Variants in GHR observed in about 807,000 individuals in gnomAD.
GHR encodes the protein GH receptor.
A neutral mutation model predicts 67.1 loss-of-function variants in GHR; 35 were observed. The observed-to-expected ratio is 0.52, with a 90% CI of 0.40 to 0.69. The LOEUF is 0.69. GHR is among the 30% of genes least tolerant of loss of function. The pLI, the probability that GHR is intolerant of heterozygous loss-of-function variation, is 0.00. For synonymous variants in GHR, 272 were observed against 269.1 expected (o/e 1.01, Z -0.10); for missense variants, 792 against 764.6 (o/e 1.04, Z -0.42).
At chr5:42,575,283 A>G (rs1282685969) in intron 2 of GHR, among the ~76,000 whole-genome samples, 2 of 152,202 alleles carry the variant, frequency 1.3e-5, no homozygotes, top group East Asian at 3.9e-4. Context: ...TAGGGATTTC[A>G]GAGCAGTGGT....
chr5:42,482,298 G>A (rs1199960219), intron 1 of GHR, among the ~76,000 whole-genome samples: 1 of 152,170 alleles, frequency 6.6e-6, no homozygotes, highest in Admixed American at 6.5e-5. Context: ...CCTGCTGGGG[G>A]GTGCCTCCCA....
At chr5:42,702,175 T>G (rs1011595418) in intron 6 of GHR, among the ~76,000 whole-genome samples, 3 of 152,106 alleles carry the variant, frequency 2.0e-5, no homozygotes, top group Admixed American at 6.6e-5. Context: ...CTGAAAATTT[T>G]AATTCTTTCA....
At chr5:42,492,838 A>T (rs1746171517) in intron 1 of GHR, among the ~76,000 whole-genome samples, 1 of 152,214 alleles carries the variant, frequency 6.6e-6, no homozygotes, top group African/African-American at 2.4e-5. Context: ...ATTCAAGATA[A>T]GACCCAAAGC....
chr5:42,429,593 A>G (rs1042437959), intron 1 of GHR, among the ~76,000 whole-genome samples: 1 of 152,246 alleles, frequency 6.6e-6, no homozygotes, highest in Admixed American at 6.5e-5. Flanking sequence ...TTAATCATCC[A>G]TAGTCAAAGC....
At chr5:42,451,440 T>C (rs1370573641) in intron 1 of GHR, among the ~76,000 whole-genome samples, 8 of 152,084 alleles carry the variant, frequency 5.3e-5, no homozygotes, top group African/African-American at 1.9e-4. Flanking sequence ...TTTTGTCTGA[T>C]ATAAGAATAG....
At chr5:42,488,799 C>T (rs1745989864) in intron 1 of GHR, among the ~76,000 whole-genome samples, 1 of 152,196 alleles carries the variant, frequency 6.6e-6, no homozygotes, top group African/African-American at 2.4e-5. Context: ...TTTATCGCCA[C>T]AGCTAACATA....
At chr5:42,704,329 C>T (rs192116912) in intron 6 of GHR, among the ~76,000 whole-genome samples, 2 of 151,568 alleles carry the variant, frequency 1.3e-5, no homozygotes, top group East Asian at 1.9e-4. Flanking sequence ...GTTTTCGTCT[C>T]GGTTCTGTTA....
At chr5:42,513,144 T>C (rs1001509641) in intron 1 of GHR, among the ~76,000 whole-genome samples, 14 of 152,248 alleles carry the variant, frequency 9.2e-5, no homozygotes, top group African/African-American at 3.4e-4. Flanking sequence ...CTCAGTTGAT[T>C]GAGCAAAATT....
At position 42,482,466 on chromosome 5, in the gene GHR, C is replaced by T. The variant is rs560939141; in HGVS notation, c.-12+58511C>T. On this transcript the variant is annotated intron_variant, in intron 1 of 9. Transcript: ENST00000230882. ...ACTGCTGTCTTTTTGTTTGTCTGTG[C>T]CCTGCCCTCAGAGAGGGAGCCTACA... Among the ~76,000 whole-genome samples the T allele has an allele frequency of 2.0e-5, 3 of 152,306 alleles. No homozygotes were observed. The South Asian group carries it at 6.2e-4, about 32-fold the overall frequency.
At chr5:42,545,070 A>G (rs114103406) in intron 1 of GHR, among the ~76,000 whole-genome samples, 3,116 of 152,206 alleles carry the variant, frequency 0.02, 32 homozygotes, top group Middle Eastern at 0.037. Context: ...CTGTCTCTCA[A>G]TGCATCATGG....
chr5:42,524,781 C>G (rs1747633697), intron 1 of GHR, among the ~76,000 whole-genome samples: 2 of 152,194 alleles, frequency 1.3e-5, no homozygotes, highest in Admixed American at 6.5e-5. Context: ...ACTTGGTGCT[C>G]TATGTCCCAC....
At chr5:42,665,693 A>T (rs1184033099) in intron 3 of GHR, among the ~76,000 whole-genome samples, 3 of 151,964 alleles carry the variant, frequency 2.0e-5, no homozygotes, top group Non-Finnish European at 4.4e-5. Context: ...ACATGTATAC[A>T]CATGTGACTA....
intron 2 of GHR, among the ~76,000 whole-genome samples, chr5:42,604,732 TTTAC>T (rs1752541372): frequency 2.0e-5 from 3 of 151,526 alleles, no homozygotes; most frequent in Admixed American, 2.0e-4. Context: ...TTTTTTTTAG[TTTAC>T]TTACTGTATT....
chr5:42,483,991 G>C (rs1745770942), intron 1 of GHR, among the ~76,000 whole-genome samples: 1 of 152,000 alleles, frequency 6.6e-6, no homozygotes, highest in Non-Finnish European at 1.5e-5. Flanking sequence ...TACTAAGTAG[G>C]TACTGAATAA....
intron 2 of GHR, among the ~76,000 whole-genome samples, chr5:42,567,218 T>C (rs1424831313): frequency 6.6e-6 from 1 of 152,176 alleles, no homozygotes; most frequent in Non-Finnish European, 1.5e-5. Flanking sequence ...TTCACTCCAC[T>C]GGGCAAGATT....
chr5:42,611,195 T>C (rs1463144622), intron 2 of GHR, among the ~76,000 whole-genome samples: 2 of 152,124 alleles, frequency 1.3e-5, no homozygotes, highest in Non-Finnish European at 2.9e-5. Context: ...CCAGGTTTGC[T>C]GAGACATTCC....
chr5:42,647,623 T>C (rs1212915560), intron 3 of GHR: 1 of 430,962 alleles, frequency 2.3e-6, no homozygotes, highest in Non-Finnish European at 4.6e-6. Flanking sequence ...TAGGAAAAAT[T>C]TGATGACTTT....
At chr5:42,717,660 CA>C (rs1231492099) in intron 8 of GHR, among the ~76,000 whole-genome samples, 1 of 152,036 alleles carries the variant, frequency 6.6e-6, no homozygotes, top group Non-Finnish European at 1.5e-5. Flanking sequence ...CTTTCCTGTA[CA>C]AATTACTGAT....
chr5:42,551,560 T>A (rs1308144251), intron 1 of GHR, among the ~76,000 whole-genome samples: 1 of 152,182 alleles, frequency 6.6e-6, no homozygotes, highest in African/African-American at 2.4e-5. Context: ...TCCTCCCTCA[T>A]GGTGACAAGT....
Sources: allele counts gnomAD v4.1 joint callset (sites outside exome capture counted in the v4.1 genomes callset), GRCh38; gene constraint gnomAD v4.1.1; transcripts MANE v1.5; gene names NCBI Gene and HGNC (gene_info 2026-07-23, HGNC 2026-07-21).